Variants in SLITRK3 observed in about 807,000 individuals in gnomAD.
SLITRK3 encodes SLIT and NTRK like family member 3.
In SLITRK3, 16 loss-of-function variants were observed where a neutral mutation model predicts 63.6. That is an observed-to-expected ratio of 0.25 (90% CI 0.17 to 0.38). The LOEUF is 0.38. Ranked by LOEUF, SLITRK3 falls within the 10% of genes least tolerant of loss-of-function variation. The pLI is 1.00. For missense variants in SLITRK3, 1,117 were observed against 1,181.4 expected (o/e 0.95, Z 0.80); for synonymous variants, 547 against 451.6 (o/e 1.21, Z -2.68).
chr3:165,189,207 G>C lies in SLITRK3; in HGVS notation c.1624C>G (p.Leu542Val). The change falls in exon 2 of 2, where the codon CTT becomes GTT. Residue 542 changes from leucine (L) to valine (V), a missense_variant. By Grantham distance (32) the Leu-to-Val change is conservative (BLOSUM62 1). This residue lies in a region of SLITRK3 where 158 missense variants were observed against 197.2 expected (regional missense o/e 0.80). Coordinates refer to ENST00000475390, the MANE Select transcript of SLITRK3 (RefSeq NM_001318810.2). The surrounding 1 kb of genome is among the most constrained non-coding windows in gnomAD (Gnocchi z 4.0). ...LNLRKNYFLY[L>V]PVAGVLEHLN... is the part of the protein sequence containing the mutation. ...TGTTCCAGGACACCAGCCACGGGAA[G>C]ATAGAGGAAGTAGTTCTTCCTCAGG... The C allele has an allele frequency of 6.2e-7, 1 of 1,614,200 alleles. No homozygotes were observed. Among genetic ancestry groups the C allele is most frequent in the Non-Finnish European group, 8.5e-7 (1 of 1,180,038 alleles).
chr3:165,189,327 G>A lies in SLITRK3; in HGVS notation c.1504C>T (p.Leu502Phe), dbSNP rs777136662. The change falls in exon 2 of 2, where the codon CTC becomes TTC. Residue 502 changes from leucine (L) to phenylalanine (F), a missense_variant. Leu to Phe is a conservative substitution (Grantham distance 22). This residue lies in a region of SLITRK3 where 158 missense variants were observed against 197.2 expected (regional missense o/e 0.80). Coordinates refer to ENST00000475390, the MANE Select transcript of SLITRK3 (RefSeq NM_001318810.2). This position sits in a 1 kb window ranked among gnomAD's most constrained non-coding sequence, Gnocchi z 4.0. ...IREIQPAAFS[L>F]MPNLKLLFLN... ...AATAGCAGCTTCAAGTTGGGCATGA[G>A]GCTGAAGGCTGCAGGCTGGATTTCC... is the stretch of plus-strand genomic sequence containing the variant. 2.5e-6 allele frequency: 4 copies of A among 1,614,206 alleles called. No homozygotes were observed. Among genetic ancestry groups the A allele is most frequent in the Non-Finnish European group, 3.4e-6 (4 of 1,180,030 alleles).
In SLITRK3 at chr3:165,189,715, T is replaced by C; in HGVS notation, c.1116A>G (p.Ile372Met). The C allele has an allele frequency of 6.2e-7, 1 of 1,614,088 alleles. No homozygotes were observed. Among genetic ancestry groups the C allele is most frequent in the Middle Eastern group, 1.6e-4 (1 of 6,062 alleles). Residue 372 changes from isoleucine to methionine, a missense_variant, in exon 2 of 2, where the codon ATA becomes ATG. This residue lies in a region of SLITRK3 where 452 missense variants were observed against 495.3 expected (regional missense o/e 0.91). Transcript: ENST00000475390. This position sits in a 1 kb window ranked among gnomAD's most constrained non-coding sequence, Gnocchi z 4.0. ...AATTACAGGTACACCCAGTGGGGCA[T>C]ATAATGGGGATTGGTGGTCTGGTCT... ...PYQTRPPIPI[I>M]CPTGCTCNLH...
chr3:165,187,892 C>G lies in SLITRK3; in HGVS notation c.*5G>C, dbSNP rs935327926. On this transcript the variant is annotated 3_prime_UTR_variant, in exon 2 of 2. Transcript: ENST00000475390. ...AAAAAGCACTAATATATTTTCTTCT[C>G]TCTGTTAGAACCTGTATGTTGTCTT... The G allele has an allele frequency of 1.2e-5, 18 of 1,543,684 alleles. No individual in the cohort carries two copies. Among genetic ancestry groups the G allele is most frequent in the Non-Finnish European group, 1.6e-5 (18 of 1,148,030 alleles).
chr3:165,189,966 C>T lies in SLITRK3; in HGVS notation c.865G>A (p.Val289Ile). The T allele has an allele frequency of 6.2e-7, 1 of 1,614,158 alleles. No individual in the cohort carries two copies. The highest frequency in any genetic ancestry group is 8.5e-7 in the Non-Finnish European group (1 of 1,180,036). ...TGTGGAATTCCCAAACTAGCCTCTA[C>T]CTCAGAGTCAGACAACAAGGGACAG... The part of the protein sequence containing the change: ...ELCPLLSDSE[V>I]EASLGIPHSS... Residue 289 changes from valine (V) to isoleucine (I), a missense_variant, in exon 2 of 2, where the codon GTA becomes ATA. By Grantham distance (29) the Val-to-Ile change is conservative. This residue lies in a region of SLITRK3 where 452 missense variants were observed against 495.3 expected (regional missense o/e 0.91). Transcript: ENST00000475390. This position sits in a 1 kb window ranked among gnomAD's most constrained non-coding sequence, Gnocchi z 4.0.
Position 165,189,023 on chromosome 3 carries a change from C to G in SLITRK3, c.1808G>C (p.Arg603Pro). 6.2e-7 allele frequency: 1 copy of G among 1,614,164 alleles called. No homozygotes were observed. The highest frequency in any genetic ancestry group is 8.5e-7 in the Non-Finnish European group (1 of 1,180,038). The change falls in exon 2 of 2, where the codon CGC becomes CCC. Residue 603 changes from arginine to proline, a missense_variant. This residue lies in a region of SLITRK3 where 499 missense variants were observed against 463.6 expected (regional missense o/e 1.08). Coordinates refer to ENST00000475390, the MANE Select transcript of SLITRK3 (RefSeq NM_001318810.2). The surrounding 1 kb of genome is among the most constrained non-coding windows in gnomAD (Gnocchi z 4.0). ...SPENLTHRDV[R>P]TIELEVLCPE... Reference sequence around the variant, plus strand: ...GCAAAGAACTTCCAGCTCAATAGTGCGCACATCACGGTGCGTGAGGTTCTC... The same window carrying G: ...GCAAAGAACTTCCAGCTCAATAGTGGGCACATCACGGTGCGTGAGGTTCTC...
Position 165,190,705 on chromosome 3 carries a change from C to A in SLITRK3, c.126G>T (p.Glu42Asp). The A allele has an allele frequency of 6.2e-7, 1 of 1,614,072 alleles. No individual in the cohort carries two copies. The highest frequency in any genetic ancestry group is 8.5e-7 in the Non-Finnish European group (1 of 1,180,004). Reference protein sequence around the residue: ...PLIEDSEEIDEPCFDPCYCEV... With the variant: ...PLIEDSEEIDDPCFDPCYCEV... ...CACAGTAGCATGGATCAAAACAGGGCTCATCTATTTCCTCTGAGTCCTCTA... is the reference window on the plus strand; with the variant it reads ...CACAGTAGCATGGATCAAAACAGGGATCATCTATTTCCTCTGAGTCCTCTA... The change falls in exon 2 of 2, where the codon GAG becomes GAT. Residue 42 changes from glutamate to aspartate, a missense_variant. Physicochemically the swap from Glu to Asp is conservative, Grantham distance 45 (BLOSUM62 2). Around this residue, in one of 4 missense-constraint regions of SLITRK3, gnomAD observed 452 missense variants for 495.3 expected, o/e 0.91. Coordinates refer to ENST00000475390, the MANE Select transcript of SLITRK3 (RefSeq NM_001318810.2).
At chr3:165,193,106 A>AGTGTGTGTGTGT (rs35240347) in intron 1 of SLITRK3, among the ~76,000 whole-genome samples, 17 of 143,430 alleles carry the variant, frequency 1.2e-4, no homozygotes, top group South Asian at 4.6e-4. Flanking sequence ...CAGTTGAGTG[A>AGTGTGTGTGTGT]GTGTGTGTGT....
rs138378955 is a variant in SLITRK3 at position 165,190,450 on chromosome 3, T to C, written c.381A>G (p.Leu127=). The change falls in exon 2 of 2, where the codon TTA becomes TTG. Residue 127 remains leucine, a synonymous_variant. Coordinates refer to ENST00000475390, the MANE Select transcript of SLITRK3 (RefSeq NM_001318810.2). ...TGTTTTCATGTAGATATAGTCTCTT[T>C]AAAATCTTAAGACCATTGAAAGCTC... ...QTGAFNGLKI[L]KRLYLHENKL... is the part of the protein sequence containing the mutation. The C allele has an allele frequency of 1.3e-3, 2,063 of 1,613,832 alleles. 9 individuals are homozygous for C. The highest frequency in any genetic ancestry group is 6.6e-3 in the Middle Eastern group (40 of 6,062).
In SLITRK3 at chr3:165,189,675, G is replaced by A. The variant is rs1208075335; in HGVS notation, c.1156C>T (p.Leu386Phe). Residue 386 changes from leucine (L) to phenylalanine (F), a missense_variant, in exon 2 of 2, where the codon CTT (leucine) becomes TTT (phenylalanine). Coordinates refer to ENST00000475390, the MANE Select transcript of SLITRK3 (RefSeq NM_001318810.2). This position sits in a 1 kb window ranked among gnomAD's most constrained non-coding sequence, Gnocchi z 4.0. ...TCTTTGCAGTTGACAGTCAAGCCAA[G>A]GTCATTGATGTGCAAATTACAGGTA... Reference protein sequence around the residue: ...GCTCNLHINDLGLTVNCKERG... With the variant: ...GCTCNLHINDFGLTVNCKERG... The A allele has an allele frequency of 1.2e-6, 2 of 1,614,166 alleles. No homozygotes were observed. Among genetic ancestry groups the A allele is most frequent in the South Asian group, 1.1e-5 (1 of 91,088 alleles).
Position 165,188,851 on chromosome 3 carries a change from C to T in SLITRK3, c.1980G>A (p.Leu660=). The change falls in exon 2 of 2, where the codon CTG becomes CTA. Residue 660 remains leucine, a synonymous_variant. Coordinates refer to ENST00000475390, the MANE Select transcript of SLITRK3 (RefSeq NM_001318810.2). ...AGACTGCTGAGAAAAACAGAACCAG[C>T]AGGCTGAGAATTAACACAGAAAGTG... ...PVPLSVLILS[L]LVLFFSAVFV... is the part of the protein sequence containing the mutation. 1 of 1,614,144 alleles carries T rather than the reference C, an allele frequency of 6.2e-7. No homozygotes were observed. The highest frequency in any genetic ancestry group is 8.5e-7 in the Non-Finnish European group (1 of 1,180,014).
chr3:165,193,468 GA>G (rs1208968805), intron 1 of SLITRK3, among the ~76,000 whole-genome samples: 1 of 151,832 alleles, frequency 6.6e-6, no homozygotes, highest in Non-Finnish European at 1.5e-5. Flanking sequence ...GGGATGGGGG[GA>G]AATCCAGGTC....
Position 165,195,646 on chromosome 3 carries a change from C to G in SLITRK3, c.-88G>C, listed in dbSNP as rs2108212534. ...GGGGCTACCCAGCAGGAGGGGCAAA[C>G]TCTCTGCGAAGCTGAATTGTATCCA... On this transcript the variant is annotated 5_prime_UTR_variant, in exon 1 of 2. Transcript: ENST00000475390. 1 of 152,682 alleles carries G rather than the reference C, an allele frequency of 6.5e-6. No homozygotes were observed. Among genetic ancestry groups the G allele is most frequent in the South Asian group, 2.1e-4 (1 of 4,832 alleles). The allele number at this position is 152,682 out of a possible 1,614,324, so 9.5% of individuals were successfully genotyped here. A position where few individuals can be genotyped will look rare whatever the true frequency, so the allele number is the denominator to read the frequency against.
At position 165,188,063 on chromosome 3, in the gene SLITRK3, G is replaced by A; in HGVS notation, c.2768C>T (p.Pro923Leu). The A allele has an allele frequency of 1.2e-6, 2 of 1,613,822 alleles. No individual in the cohort carries two copies. Among genetic ancestry groups the A allele is most frequent in the Non-Finnish European group, 1.7e-6 (2 of 1,179,976 alleles). Residue 923 changes from proline to leucine, a missense_variant, in exon 2 of 2, where the codon CCA (proline) becomes CTA (leucine). This residue lies in a region of SLITRK3 where 499 missense variants were observed against 463.6 expected (regional missense o/e 1.08). Coordinates refer to ENST00000475390, the MANE Select transcript of SLITRK3 (RefSeq NM_001318810.2). ...LHVHPPGMQY[P>L]DLQQDARLKE... Reference sequence around the variant, plus strand: ...GAGCCTGGCATCCTGCTGTAAGTCTGGGTATTGCATGCCAGGAGGGTGCAC... The same window carrying A: ...GAGCCTGGCATCCTGCTGTAAGTCTAGGTATTGCATGCCAGGAGGGTGCAC...
Position 165,188,354 on chromosome 3 carries a change from T to C in SLITRK3, c.2477A>G (p.Gln826Arg). The change falls in exon 2 of 2, where the codon CAG (glutamine) becomes CGG (arginine). Residue 826 changes from glutamine (Q) to arginine (R), a missense_variant. This residue lies in a region of SLITRK3 where 499 missense variants were observed against 463.6 expected (regional missense o/e 1.08). Transcript: ENST00000475390. ...ATTCACCGTCACTATGGTGTTAAGCTGGGAGCTGGACACTGCTAGGGCCCA... is the reference window on the plus strand; with the variant it reads ...ATTCACCGTCACTATGGTGTTAAGCCGGGAGCTGGACACTGCTAGGGCCCA... ...KEWALAVSSS[Q>R]LNTIVTVNHH... 6.2e-7 allele frequency: 1 copy of C among 1,614,002 alleles called. No individual in the cohort carries two copies. Among genetic ancestry groups the C allele is most frequent in the Non-Finnish European group, 8.5e-7 (1 of 1,180,014 alleles).
At chr3:165,196,968 C>A (rs980066837), upstream of SLITRK3, 1 of 151,280 alleles carries the variant, frequency 6.6e-6, no homozygotes, top group Non-Finnish European at 1.5e-5. Flanking sequence ...CTCTCGCTCT[C>A]GCTCTCGCTC....
chr3:165,192,183 A>C (rs556695080), intron 1 of SLITRK3, among the ~76,000 whole-genome samples: 1 of 148,256 alleles, frequency 6.7e-6, no homozygotes, highest in African/African-American at 2.4e-5. Flanking sequence ...ACAATGATAT[A>C]ATTTATAGGA....
upstream of SLITRK3, chr3:165,196,897 G>GGCTCTCTCTCTCTCTCTC (rs1218549934): frequency 1.0e-5 from 1 of 96,476 alleles, no homozygotes; most frequent in African/African-American, 3.6e-5. Context: ...CTCTCTCTCT[G>GGCTCTCTCTCTCTCTCTC]TCTCTCTCTC....
rs781390142 is a variant in SLITRK3 at position 165,189,403 on chromosome 3, G to A, written c.1428C>T (p.Phe476=). The part of the protein sequence containing the change: ...NDIEKLTPGM[F]RGLQSLHYLY... ...AGTAGTGCAAACTCTGTAGGCCTCG[G>A]AACATGCCTGGTGTCAGCTTCTCTA... Residue 476 remains phenylalanine (F), a synonymous_variant, in exon 2 of 2, where the codon TTC becomes TTT. Transcript: ENST00000475390. This position sits in a 1 kb window ranked among gnomAD's most constrained non-coding sequence, Gnocchi z 4.0. The A allele has an allele frequency of 4.3e-6, 7 of 1,613,602 alleles. No individual in the cohort carries two copies. Among genetic ancestry groups the A allele is most frequent in the Non-Finnish European group, 5.9e-6 (7 of 1,180,024 alleles).
rs1356269252 is a variant in SLITRK3 at position 165,190,126 on chromosome 3, G to A, written c.705C>T (p.Asn235=). ...MELQLEENPW[N]CTCEIVQLKS... Reference sequence around the variant, plus strand: ...TCAGTTGTACAATTTCACATGTACAGTTCCAAGGGTTTTCTTCCAGCTGGA... The same window carrying A: ...TCAGTTGTACAATTTCACATGTACAATTCCAAGGGTTTTCTTCCAGCTGGA... Residue 235 remains asparagine, a synonymous_variant, in exon 2 of 2, where the codon AAC becomes AAT. Transcript: ENST00000475390. 4.3e-6 allele frequency: 7 copies of A among 1,614,086 alleles called. No individual in the cohort carries two copies. The highest frequency in any genetic ancestry group is 5.1e-6 in the Non-Finnish European group (6 of 1,180,050).
Sources: gnomAD v4.1 joint callset for allele counts (sites outside exome capture counted in the v4.1 genomes callset) on GRCh38, gnomAD v4.1.1 for gene constraint, gnomAD v4.1.1 regional missense constraint, Gnocchi (gnomAD v3.1) non-coding constraint, MANE v1.5 for transcripts, NCBI Gene and HGNC (gene_info 2026-07-23, HGNC 2026-07-21) for gene names.